The following MAPKAP1 variants were observed in gnomAD, a reference collection of about 807,000 sequenced individuals.
The protein encoded by MAPKAP1 is target of rapamycin complex 2 subunit MAPKAP1.
A neutral mutation model predicts 65.7 loss-of-function variants in MAPKAP1; 20 were observed. That is an observed-to-expected ratio of 0.30 (90% confidence interval 0.21 to 0.44). MAPKAP1 has a LOEUF of 0.44. MAPKAP1 is among the 20% of genes least tolerant of loss of function. MAPKAP1 has a pLI of 1.00. For synonymous variants in MAPKAP1, 222 were observed against 244.3 expected (o/e 0.91, Z 0.85); for missense variants, 423 against 648.0 (o/e 0.65, Z 3.77).
At chr9:125,620,161 T>G (rs1165432099) in intron 4 of MAPKAP1, among the ~76,000 whole-genome samples, 1 of 152,072 alleles carries the variant, frequency 6.6e-6, no homozygotes, top group Non-Finnish European at 1.5e-5. Flanking sequence ...ATGCAAAAAT[T>G]ATCTGGGTGT....
At chr9:125,559,376 G>A (rs1830826441) in intron 6 of MAPKAP1, 1 of 287,640 alleles carries the variant, frequency 3.5e-6, no homozygotes, top group Non-Finnish European at 6.5e-6. Flanking sequence ...TGTTTCCAGA[G>A]GCCTGGCTCT....
intron 7 of MAPKAP1, among the ~76,000 whole-genome samples, chr9:125,528,727 G>C (rs188682335): frequency 7.8e-4 from 118 of 151,392 alleles, no homozygotes; most frequent in African/African-American, 2.7e-3. Context: ...CATGCCTGTG[G>C]CGCCAGCTAC....
intron 4 of MAPKAP1, among the ~76,000 whole-genome samples, chr9:125,610,183 C>T (rs916761019): frequency 1.3e-5 from 2 of 152,202 alleles, no homozygotes; most frequent in African/African-American, 4.8e-5. Context: ...TAAACACAAA[C>T]TCTTTCTCTT....
chr9:125,654,045 G>A (rs1833964394), intron 4 of MAPKAP1, among the ~76,000 whole-genome samples: 1 of 152,212 alleles, frequency 6.6e-6, no homozygotes, highest in African/African-American at 2.4e-5. Context: ...AATGGATAGG[G>A]TTAGATTTCC....
intron 7 of MAPKAP1, among the ~76,000 whole-genome samples, chr9:125,529,177 GAA>G (rs764136309): frequency 3.3e-4 from 33 of 99,740 alleles, no homozygotes; most frequent in African/African-American, 1.3e-3. Flanking sequence ...TCTATCTCAG[GAA>G]AAAAAAAAAA....
chr9:125,529,815 T>TC (rs1829883641), intron 7 of MAPKAP1, among the ~76,000 whole-genome samples: 1 of 152,228 alleles, frequency 6.6e-6, no homozygotes, highest in Admixed American at 6.5e-5. Context: ...ACGGTGCTAA[T>TC]CCAATGCCAT....
At chr9:125,703,105 G>A (rs1342171318) in intron 1 of MAPKAP1, among the ~76,000 whole-genome samples, 1 of 152,118 alleles carries the variant, frequency 6.6e-6, no homozygotes, top group East Asian at 1.9e-4. Context: ...CAAGGACACT[G>A]GGCCCACTTC....
intron 6 of MAPKAP1, among the ~76,000 whole-genome samples, chr9:125,547,284 T>A (rs912421622): frequency 6.6e-6 from 1 of 152,156 alleles, no homozygotes; most frequent in African/African-American, 2.4e-5. Context: ...CTGAAAAGCT[T>A]AGATTCTATC....
At chr9:125,559,566 A>G (rs1307400254) in intron 6 of MAPKAP1, 67 bp downstream of exon 6, 1 of 1,492,070 alleles carries the variant, frequency 6.7e-7, no homozygotes, top group African/African-American at 1.4e-5. Flanking sequence ...AACAAAACCA[A>G]AATCAGATCC....
intron 6 of MAPKAP1, 105 bp downstream of exon 6, chr9:125,559,528 C>G (rs1330997840): frequency 9.7e-7 from 1 of 1,025,838 alleles, no homozygotes; most frequent in African/African-American, 1.6e-5. Context: ...AGTGGACTCT[C>G]CAGATGCCAA....
At chr9:125,703,496 G>A (rs1484429072) in intron 1 of MAPKAP1, among the ~76,000 whole-genome samples, 10 of 152,146 alleles carry the variant, frequency 6.6e-5, no homozygotes, top group Non-Finnish European at 1.5e-4. Context: ...ATGTGGCCAC[G>A]AATGGTGGCT....
chr9:125,686,556 GA>G (rs1163849129), intron 1 of MAPKAP1, among the ~76,000 whole-genome samples: 1 of 152,102 alleles, frequency 6.6e-6, no homozygotes, highest in Non-Finnish European at 1.5e-5. Flanking sequence ...TGTGGAGGAG[GA>G]AAAGGAGGAT....
chr9:125,662,718 T>C lies in MAPKAP1; in HGVS notation c.350-4919A>G, dbSNP rs202106155. Among the ~76,000 whole-genome samples the C allele has an allele frequency of 3.0e-4, 46 of 152,080 alleles. No homozygotes were observed. In the East Asian group the frequency reaches 7.9e-3, roughly 26 times the overall value. On this transcript the variant is annotated intron_variant, in intron 3 of 11. Coordinates refer to ENST00000265960, the MANE Select transcript of MAPKAP1 (RefSeq NM_001006617.3). Reference sequence around the variant, plus strand: ...AAAATAAAAATAAAATTTTTCTTTATAAAGAAATTATTTTAAATGTTTTTC... The same window carrying C: ...AAAATAAAAATAAAATTTTTCTTTACAAAGAAATTATTTTAAATGTTTTTC...
intron 7 of MAPKAP1, among the ~76,000 whole-genome samples, chr9:125,527,096 A>C (rs1043125024): frequency 6.8e-6 from 1 of 147,030 alleles, no homozygotes; most frequent in Non-Finnish European, 1.5e-5. Flanking sequence ...ATGTAGTCTC[A>C]CTCTGTCACC....
chr9:125,685,993 C>T lies in MAPKAP1; in HGVS notation c.-69-13350G>A, dbSNP rs538902903. Among the ~76,000 whole-genome samples the T allele has an allele frequency of 2.6e-5, 4 of 152,308 alleles. No individual in the cohort carries two copies. In the South Asian group the frequency reaches 8.3e-4, roughly 32 times the overall value. On this transcript the variant is annotated intron_variant, in intron 1 of 11. Transcript: ENST00000265960. Reference sequence around the variant, plus strand: ...AGAATTCAACAGAGTAATGTTTCCACTTACCTGGTCTTCAGGGTAACCACA... The same window carrying T: ...AGAATTCAACAGAGTAATGTTTCCATTTACCTGGTCTTCAGGGTAACCACA...
At chr9:125,691,386 A>G (rs1455819846) in intron 1 of MAPKAP1, among the ~76,000 whole-genome samples, 1 of 152,240 alleles carries the variant, frequency 6.6e-6, no homozygotes, top group African/African-American at 2.4e-5. Flanking sequence ...CATAAACTCA[A>G]AAGCAGAAAC....
intron 5 of MAPKAP1, among the ~76,000 whole-genome samples, chr9:125,584,018 G>A (rs372573560): frequency 3.4e-4 from 51 of 151,724 alleles, no homozygotes; most frequent in Middle Eastern, 3.4e-3. Context: ...AGCCGAGATC[G>A]CGCCACTGCA....
rs555738004 is a variant in MAPKAP1 at position 125,528,729 on chromosome 9, G to A, written c.958+14330C>T. ...GGGCGTGGTGGCACATGCCTGTGGCGCCAGCTACTTGGGAGGCTGAGGCAG... is the reference window on the plus strand; with the variant it reads ...GGGCGTGGTGGCACATGCCTGTGGCACCAGCTACTTGGGAGGCTGAGGCAG... On this transcript the variant is annotated intron_variant, in intron 7 of 11. Transcript: ENST00000265960. Among the ~76,000 whole-genome samples the A allele has an allele frequency of 8.6e-5, 13 of 151,074 alleles. No homozygotes were observed. In the South Asian group the frequency reaches 1.0e-3, roughly 12 times the overall value.
In MAPKAP1 at chr9:125,536,475, A is replaced by G. The variant is rs116290693; in HGVS notation, c.958+6584T>C. On this transcript the variant is annotated intron_variant, in intron 7 of 11. Transcript: ENST00000265960. Reference sequence around the variant, plus strand: ...GGTCTCTGTTTCCTATTCATCCCCTATGCATGAGTGGCATCAGCATGATTA... The same window carrying G: ...GGTCTCTGTTTCCTATTCATCCCCTGTGCATGAGTGGCATCAGCATGATTA... 4.5e-3 allele frequency among the ~76,000 whole-genome samples: 684 copies of G among 152,296 alleles called. 7 individuals are homozygous for G. Among genetic ancestry groups the G allele is most frequent in the African/African-American group, 0.016 (658 of 41,548 alleles).
Sources: gnomAD v4.1 joint callset for allele counts (sites outside exome capture counted in the v4.1 genomes callset) on GRCh38, gnomAD v4.1.1 for gene constraint, MANE v1.5 for transcripts, NCBI Gene and HGNC (gene_info 2026-07-23, HGNC 2026-07-21) for gene names.